The following CACNA2D1 variants were observed in gnomAD, a reference collection of about 807,000 sequenced individuals.
The protein encoded by CACNA2D1 is calcium voltage-gated channel auxiliary subunit alpha2delta 1, also known as voltage-dependent calcium channel subunit alpha-2/delta-1.
CACNA2D1 carries 53 observed loss-of-function variants against 171.5 expected under a neutral mutation model. That is an observed-to-expected ratio of 0.31 (90% CI 0.25 to 0.39). The LOEUF is 0.39. Ranked by LOEUF, CACNA2D1 falls within the 10% of genes least tolerant of loss-of-function variation. The pLI is 1.00. For missense variants in CACNA2D1, 903 were observed against 1,299.8 expected, an observed-to-expected ratio of 0.69 and a Z score of 4.69; for synonymous variants, 442 against 443.1, an observed-to-expected ratio of 1.00 and a Z score of 0.03.
intron 34 of CACNA2D1, among the ~76,000 whole-genome samples, chr7:81,962,953 G>A (rs1438847900): frequency 5.3e-5 from 8 of 151,900 alleles, no homozygotes; most frequent in Admixed American, 5.3e-4. Flanking sequence ...GAATATATTT[G>A]TAAATATGTA....
chr7:82,181,431 G>T (rs1047289800), intron 3 of CACNA2D1, among the ~76,000 whole-genome samples: 1 of 152,150 alleles, frequency 6.6e-6, no homozygotes, highest in South Asian at 2.1e-4. Flanking sequence ...GCCCAGACCC[G>T]CTGGGGCAGC....
chr7:82,395,943 T>C (rs1317226593), intron 1 of CACNA2D1, among the ~76,000 whole-genome samples: 3 of 152,196 alleles, frequency 2.0e-5, no homozygotes, highest in Non-Finnish European at 2.9e-5. Flanking sequence ...GGAGATGATA[T>C]ATGTGAAAAT....
chr7:82,240,153 C>G (rs1449487115), intron 3 of CACNA2D1, among the ~76,000 whole-genome samples: 3 of 152,032 alleles, frequency 2.0e-5, no homozygotes, highest in Admixed American at 6.6e-5. Context: ...TCATACACAC[C>G]CACGTTTAAA....
chr7:82,220,066 A>G (rs1253493239), intron 3 of CACNA2D1, among the ~76,000 whole-genome samples: 2 of 152,160 alleles, frequency 1.3e-5, no homozygotes, highest in African/African-American at 2.4e-5. Flanking sequence ...TTAATAAAAA[A>G]CTGCATAAAA....
At chr7:82,145,922 T>A (rs2129097158) in intron 4 of CACNA2D1, among the ~76,000 whole-genome samples, 1 of 152,154 alleles carries the variant, frequency 6.6e-6, no homozygotes, top group East Asian at 1.9e-4. Context: ...AATTTTGGCC[T>A]TTTGTAAGCT....
intron 1 of CACNA2D1, among the ~76,000 whole-genome samples, chr7:82,365,022 A>G (rs1821524473): frequency 1.3e-5 from 2 of 152,166 alleles, no homozygotes; most frequent in African/African-American, 4.8e-5. Flanking sequence ...ACTAGATAAG[A>G]CTAAAAAAGG....
intron 9 of CACNA2D1, among the ~76,000 whole-genome samples, 160 bp downstream of exon 9, chr7:82,064,144 T>C (rs1807309201): frequency 6.6e-6 from 1 of 152,120 alleles, no homozygotes; most frequent in African/African-American, 2.4e-5. Context: ...TGTTTTATTA[T>C]TGTCTTGATA....
At chr7:82,306,351 T>C (rs1438412430) in intron 3 of CACNA2D1, among the ~76,000 whole-genome samples, 1 of 152,206 alleles carries the variant, frequency 6.6e-6, no homozygotes, top group African/African-American at 2.4e-5. Context: ...GGTGAATATG[T>C]CTTAAGAAGA....
intron 34 of CACNA2D1, among the ~76,000 whole-genome samples, 168 bp downstream of exon 34, chr7:81,963,888 C>G (rs1197651034): frequency 6.6e-6 from 1 of 151,918 alleles, no homozygotes; most frequent in East Asian, 1.9e-4. Context: ...TTATAGTGTT[C>G]ACTTAGGAAA....
chr7:82,010,468 A>G (rs1799655133), intron 15 of CACNA2D1, among the ~76,000 whole-genome samples: 1 of 152,018 alleles, frequency 6.6e-6, no homozygotes, highest in African/African-American at 2.4e-5. Context: ...TATCAGTAAG[A>G]ACCTTACCAG....
chr7:82,175,379 T>C (rs1455544396), intron 3 of CACNA2D1, among the ~76,000 whole-genome samples: 1 of 152,034 alleles, frequency 6.6e-6, no homozygotes, highest in African/African-American at 2.4e-5. Flanking sequence ...CTAATCCAAA[T>C]AAAATATGCA....
Position 82,349,660 on chromosome 7 carries a change from C to T in CACNA2D1, c.96-11G>A. ...ACCCATGATTTGATACTGCAGAAAT[C>T]AGAAAAGATTATGTTCTATCAGATC... On this transcript the variant is annotated splice_polypyrimidine_tract_variant and intron_variant, in intron 1 of 38. Coordinates refer to ENST00000356860, the MANE Select transcript of CACNA2D1 (RefSeq NM_000722.4). The T allele has an allele frequency of 1.9e-6, 3 of 1,603,012 alleles. No homozygotes were observed. The highest frequency in any genetic ancestry group is 2.6e-6 in the Non-Finnish European group (3 of 1,169,980).
chr7:82,227,550 C>A (rs1328738561), intron 3 of CACNA2D1, among the ~76,000 whole-genome samples: 1 of 152,156 alleles, frequency 6.6e-6, no homozygotes, highest in African/African-American at 2.4e-5. Context: ...TCTGGATAAA[C>A]ATGTCCCTAG....
At chr7:82,131,385 C>G (rs1790959778) in intron 5 of CACNA2D1, among the ~76,000 whole-genome samples, 1 of 152,154 alleles carries the variant, frequency 6.6e-6, no homozygotes. Flanking sequence ...CAGCTATAAC[C>G]AATCAAGCTG....
chr7:82,181,060 T>A (rs2129169543), intron 3 of CACNA2D1, among the ~76,000 whole-genome samples: 1 of 127,414 alleles, frequency 7.8e-6, no homozygotes, highest in Middle Eastern at 3.8e-3. Flanking sequence ...TTTTTTTTTT[T>A]TTTTTTTTTT....
At chr7:82,184,084 A>T (rs548018645) in intron 3 of CACNA2D1, among the ~76,000 whole-genome samples, 12 of 128,374 alleles carry the variant, frequency 9.3e-5, no homozygotes, top group South Asian at 2.4e-4. Flanking sequence ...GGATGGTTTT[A>T]AAAAAAAAAA....
At chr7:81,963,904 T>A in intron 34 of CACNA2D1, 152 bp downstream of exon 34, 1 of 670,166 alleles carries the variant, frequency 1.5e-6, no homozygotes, top group South Asian at 1.8e-5. Flanking sequence ...GGAAAAACTA[T>A]AAATATTACC....
At chr7:82,157,089 A>G (rs1794449610) in intron 4 of CACNA2D1, among the ~76,000 whole-genome samples, 1 of 152,112 alleles carries the variant, frequency 6.6e-6, no homozygotes, top group South Asian at 2.1e-4. Context: ...GTCTTTCTAA[A>G]TTCACAAAGC....
At chr7:82,244,417 A>C (rs1424431743) in intron 3 of CACNA2D1, among the ~76,000 whole-genome samples, 1 of 152,144 alleles carries the variant, frequency 6.6e-6, no homozygotes, top group Admixed American at 6.6e-5. Context: ...TTGCATTTTA[A>C]AATGTTCTTT....
Sources: gnomAD v4.1 joint callset for allele counts (sites outside exome capture counted in the v4.1 genomes callset) on GRCh38, gnomAD v4.1.1 for gene constraint, MANE v1.5 for transcripts, NCBI Gene and HGNC (gene_info 2026-07-23, HGNC 2026-07-21) for gene names.